Variants in CTC1 observed in about 807,000 individuals in gnomAD.
The protein encoded by CTC1 is CST complex subunit CTC1.
CTC1 carries 91 observed loss-of-function variants against 136.3 expected under a neutral mutation model. The ratio of observed to expected loss-of-function variants is 0.67; its 90% CI spans 0.56 to 0.79. The LOEUF is 0.79. Ranked by LOEUF, CTC1 falls within the 30% of genes least tolerant of loss-of-function variation. The pLI, the probability that CTC1 is intolerant of heterozygous loss-of-function variation, is 0.00. For synonymous variants in CTC1, 606 were observed against 613.8 expected (o/e 0.99, Z 0.19); for missense variants, 1,432 against 1,498.1 (o/e 0.96, Z 0.73).
chr17:8,238,088 G>A lies in CTC1; in HGVS notation c.590C>T (p.Pro197Leu). The change falls in exon 4 of 23, where the codon CCC (proline) becomes CTC (leucine). Residue 197 changes from proline (P) to leucine (L), a missense_variant. Pro to Leu is a moderately conservative substitution (Grantham distance 98, BLOSUM62 -3). Transcript: ENST00000651323. ...GTAGAGGACAGGGATAGGCGTGACG[G>A]GGCCAGGACTGATGGTCAAAGGAAA... ...PVFPLTISPG[P>L]VTPIPVLYPE... 1.2e-6 allele frequency: 2 copies of A among 1,614,134 alleles called. No individual in the cohort carries two copies. Among genetic ancestry groups the A allele is most frequent in the Non-Finnish European group, 8.5e-7 (1 of 1,180,018 alleles).
Position 8,228,629 on chromosome 17 carries a change from A to C in CTC1, c.3388T>G (p.Ser1130Ala). 2 of 1,614,176 alleles carry C rather than the reference A, an allele frequency of 1.2e-6. No individual in the cohort carries two copies. The change falls in exon 22 of 23, where the codon TCT (serine) becomes GCT (alanine). Residue 1130 changes from serine to alanine, a missense_variant and splice_region_variant. Ser to Ala is a moderately conservative substitution (Grantham distance 99). Transcript: ENST00000651323. ...ATGGGCTCGTCAACCCTGGCTGAAG[A>C]CTAGAAAGAGAAGGTCAAGGTTAAC... ...QFAGPGAQLE[S>A]SARVDEPMTM...
chr17:8,232,187 G>A lies in CTC1; in HGVS notation c.2101C>T (p.Pro701Ser). Residue 701 changes from proline to serine, a missense_variant, in exon 13 of 23, where the codon CCT becomes TCT. Pro to Ser is a moderately conservative substitution (Grantham distance 74, BLOSUM62 -1). Coordinates refer to ENST00000651323, the MANE Select transcript of CTC1 (RefSeq NM_025099.6). The part of the protein sequence containing the change: ...QFFLADALIL[P>S]VPRPCLHSAT... ...GAATGAAGGCAGGGTCTGGGCACAG[G>A]CAGGATCAGGGCATCAGCCAGAAAG... 1 of 1,527,554 alleles carries A rather than the reference G, an allele frequency of 6.5e-7. No homozygotes were observed. Among genetic ancestry groups the A allele is most frequent in the Non-Finnish European group, 8.8e-7 (1 of 1,141,272 alleles). 94.6% of individuals were successfully genotyped at this position (1,527,554 alleles called of 1,614,324 possible). A position where few individuals can be genotyped will look rare whatever the true frequency, so the allele number is the denominator to read the frequency against.
chr17:8,247,792 C>G, intron 1 of CTC1: 1 of 592,696 alleles, frequency 1.7e-6, no homozygotes, highest in Non-Finnish European at 3.1e-6. Flanking sequence ...GAACGGAGAC[C>G]AGTTTAAGGC....
At chr17:8,238,365 G>A in intron 3 of CTC1, 27 bp downstream of exon 3, 1 of 1,595,140 alleles carries the variant, frequency 6.3e-7, no homozygotes, top group Non-Finnish European at 8.6e-7. Flanking sequence ...CAGGATCTGA[G>A]GCATCTGATC....
At chr17:8,233,172 T>G (rs1987391818) in intron 10 of CTC1, 140 bp from the exon 11 acceptor site, 1 of 864,092 alleles carries the variant, frequency 1.2e-6, no homozygotes, top group Non-Finnish European at 1.8e-6. Context: ...AAACTTATAT[T>G]CAAGTGGGGA....
In CTC1 at chr17:8,226,544, G is replaced by C. The variant is rs1310919882; in HGVS notation, c.*1636C>G. On this transcript the variant is annotated 3_prime_UTR_variant, in exon 23 of 23. Transcript: ENST00000651323. Reference sequence around the variant, plus strand: ...AGAGTTCCTAGATGAGAGGTTTGGAGGGTGCCGACTGGATCATCCCATCCT... The same window carrying C: ...AGAGTTCCTAGATGAGAGGTTTGGACGGTGCCGACTGGATCATCCCATCCT... 2 of 152,192 alleles carry C rather than the reference G, an allele frequency of 1.3e-5. No individual in the cohort carries two copies. The highest frequency in any genetic ancestry group is 2.1e-4 in the South Asian group (1 of 4,832). 9.4% of individuals were successfully genotyped at this position (152,192 alleles called of 1,614,324 possible). A position where few individuals can be genotyped will look rare whatever the true frequency, so the allele number is the denominator to read the frequency against.
At position 8,232,959 on chromosome 17, in the gene CTC1, G is replaced by A. The variant is rs1464527359; in HGVS notation, c.1892C>T (p.Pro631Leu). 6.2e-7 allele frequency: 1 copy of A among 1,614,094 alleles called. No homozygotes were observed. The highest frequency in any genetic ancestry group is 8.5e-7 in the Non-Finnish European group (1 of 1,180,012). Residue 631 changes from proline to leucine, a missense_variant, in exon 11 of 23, where the codon CCC (proline) becomes CTC (leucine). Coordinates refer to ENST00000651323, the MANE Select transcript of CTC1 (RefSeq NM_025099.6). ...LQLRDQSGSL[P>L]CLLLAKHSQP... The stretch of plus-strand genomic sequence containing the variant: ...AGAGTGCTTGGCCAGGAGCAGGCAG[G>A]GCAGGGAACCACTTTGGTCCCGAAG...
rs536218211 is a variant in CTC1 at position 8,235,229 on chromosome 17, G to A, written c.1263C>T (p.Leu421=). ...GAACGGCGCCACGGAGGCAGGGGGC[G>A]AGCACTGGCCTTCTTGTCCCCCCTC... ...SVGGGTRRPV[L]APCLRGAVLL... Residue 421 remains leucine, a synonymous_variant, in exon 8 of 23, where the codon CTC becomes CTT. Coordinates refer to ENST00000651323, the MANE Select transcript of CTC1 (RefSeq NM_025099.6). 6 of 1,614,100 alleles carry A rather than the reference G, an allele frequency of 3.7e-6. No homozygotes were observed. The highest frequency in any genetic ancestry group is 1.6e-4 in the Middle Eastern group (1 of 6,062).
Position 8,231,964 on chromosome 17 carries a change from C to T in CTC1, c.2324G>A (p.Arg775Lys). The T allele has an allele frequency of 1.2e-6, 2 of 1,612,460 alleles. No homozygotes were observed. The highest frequency in any genetic ancestry group is 1.7e-6 in the Non-Finnish European group (2 of 1,179,258). ...CAGCCCCCATCCAGTACCCTCCTTC[C>T]TCTGGGTGCCCCCAAGCCAGCTCCC... The part of the protein sequence containing the change: ...VLGSWLGGTQ[R>K]KEGTGWGLPE... The change falls in exon 13 of 23, where the codon AGG becomes AAG. Residue 775 changes from arginine to lysine, a missense_variant. Physicochemically the swap from Arg to Lys is conservative, Grantham distance 26. Transcript: ENST00000651323.
Position 8,236,186 on chromosome 17 carries a change from C to A in CTC1, c.949G>T (p.Glu317Ter). ...GGTCCTTCCAGCTCCAGTTCCAGCT[C>A]CTGCACACATTCTGGTTTCAGCAGC... ...LLLLKPECVQELELELEGPLL... is the reference protein window; with the variant it reads ...LLLLKPECVQ Residue 317 changes from glutamate to a stop codon, truncating the protein, a stop_gained, in exon 6 of 23, where the codon GAG becomes TAG. Transcript: ENST00000651323. LOFTEE classifies it high-confidence loss of function. 6.2e-7 allele frequency: 1 copy of A among 1,614,208 alleles called. No individual in the cohort carries two copies. Among genetic ancestry groups the A allele is most frequent in the Non-Finnish European group, 8.5e-7 (1 of 1,180,036 alleles).
intron 2 of CTC1, among the ~76,000 whole-genome samples, chr17:8,240,156 CTTTT>C (rs397969607): frequency 7.1e-6 from 1 of 139,980 alleles, no homozygotes; most frequent in East Asian, 2.1e-4. Flanking sequence ...AGAACTGTCT[CTTTT>C]TTTTTTTTTT....
chr17:8,228,304 T>C lies in CTC1; in HGVS notation c.3530A>G (p.Gln1177Arg). ...AGGGAGCTCTCCACACTGGAATCGC[T>C]GTAGCCGAGGAGGTTCTGAGGTGGG... ...KIVPLEPPRL[Q>R]RFQCGELPFL... is the part of the protein sequence containing the mutation. The change falls in exon 23 of 23, where the codon CAG becomes CGG. Residue 1177 changes from glutamine to arginine, a missense_variant. By Grantham distance (43) the Gln-to-Arg change is conservative (BLOSUM62 1). Coordinates refer to ENST00000651323, the MANE Select transcript of CTC1 (RefSeq NM_025099.6). 1 of 1,614,072 alleles carries C rather than the reference T, an allele frequency of 6.2e-7. No homozygotes were observed. The highest frequency in any genetic ancestry group is 8.5e-7 in the Non-Finnish European group (1 of 1,179,984).
At position 8,228,834 on chromosome 17, in the gene CTC1, C is replaced by T. The variant is rs773036519; in HGVS notation, c.3280G>A (p.Ala1094Thr). The T allele has an allele frequency of 6.2e-7, 1 of 1,614,064 alleles. No homozygotes were observed. The highest frequency in any genetic ancestry group is 8.5e-7 in the Non-Finnish European group (1 of 1,179,958). Residue 1094 changes from alanine (A) to threonine (T), a missense_variant, in exon 21 of 23, where the codon GCA becomes ACA. Coordinates refer to ENST00000651323, the MANE Select transcript of CTC1 (RefSeq NM_025099.6). Reference protein sequence around the residue: ...AVVTCRNHHVAAALGLCPREW... With the variant: ...AVVTCRNHHVTAALGLCPREW... ...CTAGGACACAGCCCTAGTGCTGCTG[C>T]CACATGGTGATTCCTACAGGTCACC...
chr17:8,233,266 C>T (rs1252655775), intron 10 of CTC1: 9 of 489,554 alleles, frequency 1.8e-5, no homozygotes, highest in Non-Finnish European at 3.0e-5. Context: ...AGGTAAGAGG[C>T]CATGCGGGAT....
In CTC1 at chr17:8,227,077, G is replaced by A. The variant is rs75272219; in HGVS notation, c.*1103C>T. The A allele has an allele frequency of 5.3e-5, 8 of 152,334 alleles. No homozygotes were observed. The highest frequency in any genetic ancestry group is 7.4e-5 in the Non-Finnish European group (5 of 68,026). 9.4% of individuals were successfully genotyped at this position (152,334 alleles called of 1,614,324 possible). A position where few individuals can be genotyped will look rare whatever the true frequency, so the allele number is the denominator to read the frequency against. ...GAGCTAACCGGCCACTAACTTTCCG[G>A]GTCTACTTCAAATCTTAATATAGGG... On this transcript the variant is annotated 3_prime_UTR_variant, in exon 23 of 23. Transcript: ENST00000651323.
rs1371152294 is a variant in CTC1, at chr17:8,225,383, G to C, written c.*2797C>G. On this transcript the variant is annotated 3_prime_UTR_variant, in exon 23 of 23. Transcript: ENST00000651323. ...GACCTGGAGGTAGCAATTCCTTCAA[G>C]CCATTTGCTCATCTTACATTGGTTC... 6.6e-6 allele frequency: 1 copy of C among 152,256 alleles called. No homozygotes were observed. The highest frequency in any genetic ancestry group is 1.5e-5 in the Non-Finnish European group (1 of 68,082). The allele number at this position is 152,256 out of a possible 1,614,324, so 9.4% of individuals were successfully genotyped here. A position where few individuals can be genotyped will look rare whatever the true frequency, so the allele number is the denominator to read the frequency against.
At chr17:8,234,990 C>T in intron 8 of CTC1, 63 bp downstream of exon 8, 1 of 1,602,780 alleles carries the variant, frequency 6.2e-7, no homozygotes, top group Non-Finnish European at 8.5e-7. Context: ...GAATCCTGCT[C>T]TCCTTGCCAA....
At chr17:8,229,058 G>C (rs1380228401) in intron 20 of CTC1, 84 bp downstream of exon 20, 3 of 1,504,134 alleles carry the variant, frequency 2.0e-6, no homozygotes, top group African/African-American at 1.4e-5. Context: ...CATGAGCCAG[G>C]AATTATGCTA....
At chr17:8,233,193 A>T in intron 10 of CTC1, 161 bp from the exon 11 acceptor site, 2 of 700,020 alleles carry the variant, frequency 2.9e-6, no homozygotes, top group Admixed American at 3.0e-5. Flanking sequence ...AGACAGACAT[A>T]AAAAAACACA....
Sources: allele counts gnomAD v4.1 joint callset (sites outside exome capture counted in the v4.1 genomes callset), GRCh38; gene constraint gnomAD v4.1.1; transcripts MANE v1.5; gene names NCBI Gene and HGNC (gene_info 2026-07-23, HGNC 2026-07-21).